The following PRKCH variants were observed in gnomAD, a reference collection of about 807,000 sequenced individuals.
PRKCH encodes protein kinase C eta type.
Under a neutral mutation model 82.5 loss-of-function variants are expected in PRKCH, and 28 were observed. The ratio of observed to expected loss-of-function variants is 0.34; its 90% CI spans 0.25 to 0.47. The LOEUF (loss-of-function observed/expected upper bound fraction) is 0.47. PRKCH is among the 20% of genes least tolerant of loss of function. The pLI, the probability that PRKCH is intolerant of heterozygous loss-of-function variation, is 1.00. For synonymous variants in PRKCH, 322 were observed against 327.4 expected, an observed-to-expected ratio of 0.98 and a Z score of 0.18; for missense variants, 705 against 881.8, an observed-to-expected ratio of 0.80 and a Z score of 2.54.
intron 1 of PRKCH, among the ~76,000 whole-genome samples, chr14:61,315,356 A>T (rs1266586047): frequency 6.6e-6 from 1 of 152,170 alleles, no homozygotes; most frequent in East Asian, 1.9e-4. Flanking sequence ...CAGCTCTACC[A>T]TGTATTAGCT....
chr14:61,503,735 C>G (rs542903468), intron 10 of PRKCH, among the ~76,000 whole-genome samples: 1 of 152,178 alleles, frequency 6.6e-6, no homozygotes, highest in African/African-American at 2.4e-5. Flanking sequence ...AGCGCTTTAC[C>G]TCTGAAGCAT....
At chr14:61,459,475 G>T (rs1884933142) in intron 9 of PRKCH, among the ~76,000 whole-genome samples, 1 of 152,224 alleles carries the variant, frequency 6.6e-6, no homozygotes, top group African/African-American at 2.4e-5. Flanking sequence ...TTGAACAGGG[G>T]CCTTGAGAAC....
chr14:61,321,928 G>A lies in PRKCH; in HGVS notation c.-174G>A, dbSNP rs1157683510. 1.8e-5 allele frequency: 11 copies of A among 624,740 alleles called. No homozygotes were observed. The highest frequency in any genetic ancestry group is 2.7e-5 in the Non-Finnish European group (10 of 376,752). The allele number at this position is 624,740 out of a possible 1,614,324, so 38.7% of individuals were successfully genotyped here. On this transcript the variant is annotated 5_prime_UTR_variant, in exon 1 of 14. Transcript: ENST00000332981. The surrounding 1 kb of genome is among the most constrained non-coding windows in gnomAD (Gnocchi z 4.1). ...CCTCGGGAGGGAGGGAAGGAGGGGA[G>A]GGAAAAGTCCCACGGAGGAGGCAGA... is the stretch of plus-strand genomic sequence containing the variant.
intron 1 of PRKCH, among the ~76,000 whole-genome samples, chr14:61,373,478 G>A (rs1439161802): frequency 6.6e-6 from 1 of 151,954 alleles, no homozygotes; most frequent in Non-Finnish European, 1.5e-5. Flanking sequence ...CTGACAGGTG[G>A]AGTTACAATT....
intron 10 of PRKCH, among the ~76,000 whole-genome samples, chr14:61,488,791 A>C (rs1208432063): frequency 6.6e-6 from 1 of 152,142 alleles, no homozygotes; most frequent in African/African-American, 2.4e-5. Flanking sequence ...GTGGGTAGAC[A>C]CTGTAACTTG....
At chr14:61,208,365 T>A (rs905333074) in intron 1 of PRKCH, among the ~76,000 whole-genome samples, 1 of 152,214 alleles carries the variant, frequency 6.6e-6, no homozygotes, top group Non-Finnish European at 1.5e-5. Flanking sequence ...TATAAGACAG[T>A]CTTCACATTC....
intron 12 of PRKCH, among the ~76,000 whole-genome samples, chr14:61,533,504 G>A (rs1240231148): frequency 2.0e-5 from 3 of 152,228 alleles, no homozygotes; most frequent in Non-Finnish European, 4.4e-5. Flanking sequence ...ACACACTGAG[G>A]AGGGAAAGGC....
chr14:61,326,491 G>A (rs952647872), intron 1 of PRKCH, among the ~76,000 whole-genome samples: 1 of 152,166 alleles, frequency 6.6e-6, no homozygotes, highest in Non-Finnish European at 1.5e-5. Flanking sequence ...GAATATTTGT[G>A]TTATTCTGAT....
chr14:61,298,347 C>T (rs2045421370), intron 1 of PRKCH: 1 of 152,210 alleles, frequency 6.6e-6, no homozygotes, highest in African/African-American at 2.4e-5. Flanking sequence ...CAACTTCAAA[C>T]TTAGTGTTCC....
At chr14:61,296,204 G>A (rs564392363) in intron 1 of PRKCH, among the ~76,000 whole-genome samples, 8 of 152,256 alleles carry the variant, frequency 5.3e-5, no homozygotes, top group Admixed American at 3.3e-4. Flanking sequence ...TCTTATGGGG[G>A]AGTTACCAAT....
At chr14:61,229,294 G>T (rs999566114) in intron 1 of PRKCH, among the ~76,000 whole-genome samples, 4 of 152,094 alleles carry the variant, frequency 2.6e-5, no homozygotes, top group Non-Finnish European at 5.9e-5. Flanking sequence ...GTGGGCAGGC[G>T]CTAAGTATAC....
intron 1 of PRKCH, among the ~76,000 whole-genome samples, chr14:61,333,070 C>T (rs759176817): frequency 4.6e-5 from 7 of 152,186 alleles, no homozygotes; most frequent in Non-Finnish European, 7.3e-5. Flanking sequence ...AAAAGTCATA[C>T]GTGTATTAGC....
chr14:61,443,196 A>G lies in PRKCH; in HGVS notation c.513A>G (p.Gly171=). 1 of 1,614,114 alleles carries G rather than the reference A, an allele frequency of 6.2e-7. No individual in the cohort carries two copies. Among genetic ancestry groups the G allele is most frequent in the Non-Finnish European group, 8.5e-7 (1 of 1,179,994 alleles). The change falls in exon 3 of 14, where the codon GGA becomes GGG. Residue 171 remains glycine, a synonymous_variant. Transcript: ENST00000332981. ...GAAGGCGAGTCCACCAGATCAATGG[A>G]CACAAGTTCATGGCCACGTATCTGA... is the stretch of plus-strand genomic sequence containing the variant. ...AMRRRVHQIN[G]HKFMATYLRQ... is the part of the protein sequence containing the mutation.
At chr14:61,531,111 A>C (rs1270914216) in intron 12 of PRKCH, among the ~76,000 whole-genome samples, 4 of 152,318 alleles carry the variant, frequency 2.6e-5, no homozygotes, top group South Asian at 4.1e-4. Context: ...GCCGGGTGCC[A>C]CGCCCAGGCT....
intron 1 of PRKCH, among the ~76,000 whole-genome samples, chr14:61,349,430 A>C (rs927486843): frequency 6.6e-6 from 1 of 152,202 alleles, no homozygotes; most frequent in Admixed American, 6.5e-5. Context: ...ATTTCTAGGA[A>C]CATACAACCA....
intron 2 of PRKCH, among the ~76,000 whole-genome samples, chr14:61,395,290 G>GCC (rs5809093): frequency 0.63 from 78,247 of 123,708 alleles, 27,140 homozygotes; most frequent in Middle Eastern, 0.79. Flanking sequence ...AGGAAATGGA[G>GCC]CCCCCCCCCG....
chr14:61,358,102 T>C (rs1566836884), intron 1 of PRKCH, among the ~76,000 whole-genome samples: 1 of 152,144 alleles, frequency 6.6e-6, no homozygotes, highest in Non-Finnish European at 1.5e-5. Context: ...GGAATCAGAT[T>C]TGGATTTGAA....
chr14:61,275,560 G>T (rs139357701), intron 1 of PRKCH, among the ~76,000 whole-genome samples: 1 of 152,044 alleles, frequency 6.6e-6, no homozygotes, highest in Non-Finnish European at 1.5e-5. Context: ...AAGACAAATC[G>T]CACTTAAATT....
intron 4 of PRKCH, among the ~76,000 whole-genome samples, chr14:61,448,082 G>A (rs546675544): frequency 9.9e-5 from 15 of 152,242 alleles, no homozygotes; most frequent in African/African-American, 3.6e-4. Context: ...AAAAAATAAA[G>A]TATTTCTGTG....
Sources: gnomAD v4.1 joint callset for allele counts (sites outside exome capture counted in the v4.1 genomes callset) on GRCh38, gnomAD v4.1.1 for gene constraint, Gnocchi (gnomAD v3.1) non-coding constraint, MANE v1.5 for transcripts, NCBI Gene and HGNC (gene_info 2026-07-23, HGNC 2026-07-21) for gene names.